C1GALT1: variants seen among roughly 807,000 people sequenced by gnomAD.
The protein encoded by C1GALT1 is glycoprotein-N-acetylgalactosamine 3-beta-galactosyltransferase 1.
A neutral mutation model predicts 31.0 loss-of-function variants in C1GALT1; 11 were observed. The observed-to-expected ratio is 0.36, with a 90% CI of 0.22 to 0.59. C1GALT1 has a LOEUF of 0.59. C1GALT1 is among the 20% of genes least tolerant of loss of function. C1GALT1 has a pLI of 0.79. For missense variants in C1GALT1, 424 were observed against 425.2 expected, an observed-to-expected ratio of 1.00 and a Z score of 0.03; for synonymous variants, 175 against 143.6, an observed-to-expected ratio of 1.22 and a Z score of -1.56.
intron 1 of C1GALT1, among the ~76,000 whole-genome samples, chr7:7,216,143 G>C (rs1782229187): frequency 6.6e-6 from 1 of 152,180 alleles, no homozygotes; most frequent in East Asian, 1.9e-4. Context: ...GGTTAAGGAA[G>C]TTCCAGTGTT....
At chr7:7,172,605 C>T (rs1016630662) in intron 2 of C1GALT1, among the ~76,000 whole-genome samples, 2 of 152,116 alleles carry the variant, frequency 1.3e-5, no homozygotes, top group African/African-American at 4.8e-5. Flanking sequence ...TGATGACGCA[C>T]AGGTCCCTTC....
At chr7:7,164,577 A>G (rs570629822) in intron 2 of C1GALT1, among the ~76,000 whole-genome samples, 4 of 152,180 alleles carry the variant, frequency 2.6e-5, no homozygotes, top group Non-Finnish European at 5.9e-5. Context: ...ATGGAAAGAG[A>G]CAGAAGCAGG....
intron 1 of C1GALT1, among the ~76,000 whole-genome samples, chr7:7,224,167 T>C (rs1216538080): frequency 2.0e-5 from 3 of 152,224 alleles, no homozygotes; most frequent in African/African-American, 7.2e-5. Flanking sequence ...TGTGAAATAC[T>C]AATACTTCAT....
chr7:7,226,949 T>C lies in C1GALT1; in HGVS notation c.-17-7354T>C, dbSNP rs28465549. 4.0e-3 allele frequency among the ~76,000 whole-genome samples: 610 copies of C among 152,334 alleles called. 4 individuals are homozygous for C. Among genetic ancestry groups the C allele is most frequent in the African/African-American group, 0.014 (568 of 41,578 alleles). The stretch of plus-strand genomic sequence containing the variant: ...GTATGTATATGTGTATATATATATT[T>C]GTACATGTGTGTATCCATGCTGATT... On this transcript the variant is annotated intron_variant, in intron 1 of 3. Transcript: ENST00000436587.
chr7:7,212,966 A>G (rs776408309), intron 1 of C1GALT1, among the ~76,000 whole-genome samples: 19 of 152,224 alleles, frequency 1.2e-4, no homozygotes, highest in African/African-American at 4.3e-4. Context: ...ACCTTACTCA[A>G]TTATTAAAAG....
chr7:7,195,833 T>C (rs1467567629), intron 1 of C1GALT1, among the ~76,000 whole-genome samples: 1 of 152,192 alleles, frequency 6.6e-6, no homozygotes, highest in Non-Finnish European at 1.5e-5. Flanking sequence ...AGTAATTGTT[T>C]TATAAATTAG....
At chr7:7,233,651 T>A (rs900904738) in intron 1 of C1GALT1, among the ~76,000 whole-genome samples, 8 of 152,216 alleles carry the variant, frequency 5.3e-5, no homozygotes, top group African/African-American at 1.9e-4. Context: ...CTCTGCTGTT[T>A]TAGGGCAAAA....
intron 2 of C1GALT1, among the ~76,000 whole-genome samples, chr7:7,236,875 T>C (rs1783381529): frequency 6.6e-6 from 1 of 152,182 alleles, no homozygotes; most frequent in Admixed American, 6.5e-5. Flanking sequence ...TTATTCCCTC[T>C]CAGTTGGTTA....
chr7:7,207,401 T>C (rs1781797688), intron 1 of C1GALT1, among the ~76,000 whole-genome samples: 1 of 123,190 alleles, frequency 8.1e-6, no homozygotes, highest in Admixed American at 1.0e-4. Flanking sequence ...GGACTCAAAC[T>C]CCTGGGCTCA....
At chr7:7,203,504 G>A (rs1234856575) in intron 1 of C1GALT1, among the ~76,000 whole-genome samples, 1 of 151,938 alleles carries the variant, frequency 6.6e-6, no homozygotes, top group Non-Finnish European at 1.5e-5. Context: ...TGCCTTGATT[G>A]ATTTCCATAT....
intron 1 of C1GALT1, among the ~76,000 whole-genome samples, chr7:7,226,182 A>T (rs1486380193): frequency 6.6e-6 from 1 of 152,176 alleles, no homozygotes; most frequent in Non-Finnish European, 1.5e-5. Context: ...TGTAAGATTT[A>T]TATCACTTTC....
At chr7:7,183,114 C>T (rs1780657101) in intron 1 of C1GALT1, among the ~76,000 whole-genome samples, 1 of 152,118 alleles carries the variant, frequency 6.6e-6, no homozygotes, top group African/African-American at 2.4e-5. Flanking sequence ...CTTGTGCCCG[C>T]TCGCGCCCCT....
At chr7:7,162,282 C>T (rs1406135128) in intron 2 of C1GALT1, among the ~76,000 whole-genome samples, 1 of 103,938 alleles carries the variant, frequency 9.6e-6, no homozygotes, top group Admixed American at 1.2e-4. Context: ...CACCCCACAA[C>T]AGTCCCCAGA....
intron 1 of C1GALT1, among the ~76,000 whole-genome samples, chr7:7,198,663 C>G (rs1781403979): frequency 6.6e-6 from 1 of 152,108 alleles, no homozygotes; most frequent in Non-Finnish European, 1.5e-5. Flanking sequence ...CCATCTGGTC[C>G]TGGACTTTTT....
chr7:7,207,335 C>CTTTTTTTTTTTTTTTTTTTTTTTTTT lies in C1GALT1; in HGVS notation c.-18+24520_-18+24545dup, dbSNP rs57510429. Among the ~76,000 whole-genome samples, 57 of 48,006 alleles carry CTTTTTTTTTTTTTTTTTTTTTTTTTT rather than the reference C, an allele frequency of 1.2e-3. 25 individuals carry two copies. The highest frequency in any genetic ancestry group is 1.9e-3 in the East Asian group (3 of 1,560). 31.5% of individuals were successfully genotyped at this position (48,006 alleles called of 152,430 possible). On this transcript the variant is annotated intron_variant, in intron 1 of 3. Transcript: ENST00000436587. ...TCTCTGTGTTTCTCTTACTCTGTTG[C>CTTTTTTTTTTTTTTTTTTTTTTTTTT]TTTTTTTTTTTTTTTTTTTTTTTTT...
Position 7,243,932 on chromosome 7 carries a change from AAATATG to A in C1GALT1, c.*206_*211del. 5.3e-6 allele frequency: 2 copies of A among 378,582 alleles called. No homozygotes were observed. Among genetic ancestry groups the A allele is most frequent in the East Asian group, 4.5e-5 (1 of 21,984 alleles). The allele number at this position is 378,582 out of a possible 1,614,324, so 23.5% of individuals were successfully genotyped here. A position where few individuals can be genotyped will look rare whatever the true frequency, so the allele number is the denominator to read the frequency against. On this transcript the variant is annotated 3_prime_UTR_variant, in exon 4 of 4. Coordinates refer to ENST00000436587, the MANE Select transcript of C1GALT1 (RefSeq NM_020156.5). ...AATGTGTTTTGATACAGTAATATAT[AAATATG>A]TCTATATATATGAGGAACTTGTGTT...
At chr7:7,185,840 C>T (rs543858176) in intron 1 of C1GALT1, among the ~76,000 whole-genome samples, 31 of 152,274 alleles carry the variant, frequency 2.0e-4, no homozygotes, top group African/African-American at 7.2e-4. Flanking sequence ...TCTTTTACAT[C>T]GTTCAGTAAA....
intron 2 of C1GALT1, 64 bp downstream of exon 2, chr7:7,234,603 CT>C (rs1562594735): frequency 1.7e-6 from 2 of 1,157,804 alleles, no homozygotes; most frequent in African/African-American, 1.5e-5. Flanking sequence ...TGTCATATTC[CT>C]GTCTGTATCT....
chr7:7,231,408 C>A (rs1783065798), intron 1 of C1GALT1, among the ~76,000 whole-genome samples: 1 of 152,102 alleles, frequency 6.6e-6, no homozygotes, highest in Admixed American at 6.5e-5. Flanking sequence ...TACCACTTCT[C>A]CTGAGTTATG....
Sources: gnomAD v4.1 joint callset for allele counts (sites outside exome capture counted in the v4.1 genomes callset) on GRCh38, gnomAD v4.1.1 for gene constraint, MANE v1.5 for transcripts, NCBI Gene and HGNC (gene_info 2026-07-23, HGNC 2026-07-21) for gene names.